The following KCNH3 variants were observed in gnomAD, a reference collection of about 807,000 sequenced individuals.
KCNH3 encodes the protein voltage-gated inwardly rectifying potassium channel KCNH3.
In KCNH3, 36 loss-of-function variants were observed where a neutral mutation model predicts 95.6. The observed-to-expected ratio is 0.38, with a 90% CI of 0.29 to 0.50. The LOEUF (loss-of-function observed/expected upper bound fraction) is 0.50, where lower values mean the gene tolerates loss of function less well. KCNH3 is among the 20% of genes least tolerant of loss of function. KCNH3 has a pLI of 0.95. For synonymous variants in KCNH3, 620 were observed against 646.3 expected, an observed-to-expected ratio of 0.96 and a Z score of 0.62; for missense variants, 1,030 against 1,484.1, an observed-to-expected ratio of 0.69 and a Z score of 5.03.
chr12:49,549,840 G>C (rs896174128), intron 9 of KCNH3, among the ~76,000 whole-genome samples, 200 bp downstream of exon 9: 4 of 152,356 alleles, frequency 2.6e-5, no homozygotes, highest in Admixed American at 2.0e-4. Flanking sequence ...AGGTCTGGGG[G>C]CTTGGTACTC....
At chr12:49,540,816 G>A in intron 1 of KCNH3, 83 bp from the exon 2 acceptor site, 1 of 1,134,676 alleles carries the variant, frequency 8.8e-7, no homozygotes, top group Non-Finnish European at 1.3e-6. Context: ...CCCACTCTTT[G>A]GTTGCAGGCA....
At position 49,555,804 on chromosome 12, in the gene KCNH3, C is replaced by T. The variant is rs1938420035; in HGVS notation, c.2321C>T (p.Ala774Val). The change falls in exon 12 of 15, where the codon GCA becomes GTA. Residue 774 changes from alanine to valine, a missense_variant. Physicochemically the swap from Ala to Val is moderately conservative, Grantham distance 64 (BLOSUM62 0). Around this residue, in one of 9 missense-constraint regions of KCNH3, gnomAD observed 464 missense variants for 493.2 expected, o/e 0.94. Transcript: ENST00000257981. ...AAGCTGCTATCCCCACGTCGAACAG[C>T]ACCCCGGCCTCGTCTAGGTGGCAGA... is the stretch of plus-strand genomic sequence containing the variant. ...AAKLLSPRRTAPRPRLGGRGR... is the reference protein window; with the variant it reads ...AAKLLSPRRTVPRPRLGGRGR... 6.2e-6 allele frequency: 10 copies of T among 1,613,488 alleles called. No homozygotes were observed. The highest frequency in any genetic ancestry group is 1.6e-4 in the Middle Eastern group (1 of 6,078).
chr12:49,548,143 C>A (rs1042994329), intron 7 of KCNH3, among the ~76,000 whole-genome samples: 2 of 148,704 alleles, frequency 1.3e-5, no homozygotes, highest in African/African-American at 4.9e-5. Flanking sequence ...TGCGCGCGCA[C>A]CTGTGTGAAT....
chr12:49,556,549 C>A, intron 13 of KCNH3, 73 bp downstream of exon 13: 1 of 1,061,468 alleles, frequency 9.4e-7, no homozygotes, highest in Non-Finnish European at 1.5e-6. Flanking sequence ...CACTGTTGAC[C>A]TCTGAGCCTT....
intron 7 of KCNH3, among the ~76,000 whole-genome samples, chr12:49,545,286 T>C (rs1411801111): frequency 6.6e-6 from 1 of 152,098 alleles, no homozygotes. Flanking sequence ...CCAGCTGTTT[T>C]TAACTCTCGA....
rs1312799342 is a variant in KCNH3, at chr12:49,548,927, A to T, written c.1222A>T (p.Thr408Ser). 8.2e-6 allele frequency: 13 copies of T among 1,593,110 alleles called. No individual in the cohort carries two copies. Among genetic ancestry groups the T allele is most frequent in the Non-Finnish European group, 1.1e-5 (13 of 1,170,740 alleles). The change falls in exon 8 of 15, where the codon ACT becomes TCT. Residue 408 changes from threonine (T) to serine (S), a missense_variant. By Grantham distance (58) the Thr-to-Ser change is moderately conservative. Around this residue, in one of 9 missense-constraint regions of KCNH3, gnomAD observed 153 missense variants for 288.5 expected, o/e 0.53. Coordinates refer to ENST00000257981, the MANE Select transcript of KCNH3 (RefSeq NM_012284.3). ...GCAGGAGCTGGCCCGCCGACTGGAG[A>T]CTCCCTACTACCTGGTGGGCCGGAG... ...WLQELARRLE[T>S]PYYLVGRRPA...
chr12:49,541,198 C>A, intron 2 of KCNH3, 66 bp downstream of exon 2: 1 of 1,157,618 alleles, frequency 8.6e-7, no homozygotes, highest in East Asian at 2.5e-5. Context: ...CCAGCCCCAT[C>A]CACTGTCCCT....
At chr12:49,547,678 T>G (rs2076495927) in intron 7 of KCNH3, among the ~76,000 whole-genome samples, 1 of 152,034 alleles carries the variant, frequency 6.6e-6, no homozygotes, top group Non-Finnish European at 1.5e-5. Context: ...ATGACAAGTG[T>G]GTGCGGGCCA....
intron 3 of KCNH3, 145 bp downstream of exon 3, chr12:49,541,909 C>G (rs1937883960): frequency 1.3e-6 from 1 of 776,086 alleles, no homozygotes; most frequent in South Asian, 1.9e-5. Context: ...CTGTGCTGCT[C>G]TCATCTCCAC....
rs1281256229 is a variant in KCNH3, at chr12:49,549,019, G to A, written c.1314G>A (p.Thr438=). 2 of 1,611,834 alleles carry A rather than the reference G, an allele frequency of 1.2e-6. No individual in the cohort carries two copies. The highest frequency in any genetic ancestry group is 1.7e-6 in the Non-Finnish European group (2 of 1,179,568). The change falls in exon 8 of 15, where the codon ACG becomes ACA. Residue 438 remains threonine, a synonymous_variant. Transcript: ENST00000257981. Reference sequence around the variant, plus strand: ...GCAGCAGCAGCGAGGCCAACGGGACGGGGCTGGAGCTGCTGGGCGGCCCGT... The same window carrying A: ...GCAGCAGCAGCGAGGCCAACGGGACAGGGCTGGAGCTGCTGGGCGGCCCGT... ...NCSSSSEANG[T]GLELLGGPSL... is the part of the protein sequence containing the mutation.
Position 49,556,418 on chromosome 12 carries a change from C to T in KCNH3, c.2517C>T (p.Phe839=). The T allele has an allele frequency of 6.2e-7, 1 of 1,614,090 alleles. No homozygotes were observed. The highest frequency in any genetic ancestry group is 2.2e-5 in the East Asian group (1 of 44,882). The change falls in exon 13 of 15, where the codon TTC becomes TTT. Residue 839 remains phenylalanine, a synonymous_variant. Coordinates refer to ENST00000257981, the MANE Select transcript of KCNH3 (RefSeq NM_012284.3). ...GCTGTGGCTCGGACCAGCCCAAGTT[C>T]TCTTTCCGCGTGGGCCAGTCTGGCC... is the stretch of plus-strand genomic sequence containing the variant. ...EDGCGSDQPK[F]SFRVGQSGPE... is the part of the protein sequence containing the mutation.
intron 6 of KCNH3, 36 bp from the exon 7 acceptor site, chr12:49,544,139 C>T (rs755252420): frequency 2.1e-6 from 3 of 1,395,692 alleles, no homozygotes; most frequent in South Asian, 1.2e-5. Context: ...GGCCCGCTGA[C>T]CTCCCTCCCT....
At chr12:49,549,706 T>C (rs1416937300) in intron 9 of KCNH3, 66 bp downstream of exon 9, 1 of 1,444,638 alleles carries the variant, frequency 6.9e-7, no homozygotes, top group African/African-American at 1.4e-5. Context: ...AGCCTAGAAT[T>C]ATCAGGAGTG....
intron 7 of KCNH3, among the ~76,000 whole-genome samples, chr12:49,545,340 C>T (rs1456020238): frequency 6.6e-6 from 1 of 152,042 alleles, no homozygotes; most frequent in African/African-American, 2.4e-5. Flanking sequence ...TCCTCCCCAG[C>T]CCTCCAGCCC....
At chr12:49,546,860 C>T (rs1938080075) in intron 7 of KCNH3, among the ~76,000 whole-genome samples, 1 of 152,216 alleles carries the variant, frequency 6.6e-6, no homozygotes, top group Non-Finnish European at 1.5e-5. Flanking sequence ...CAGAGGCCAA[C>T]TAAACAGTGA....
At chr12:49,541,918 A>G (rs1282404994) in intron 3 of KCNH3, among the ~76,000 whole-genome samples, 154 bp downstream of exon 3, 1 of 152,224 alleles carries the variant, frequency 6.6e-6, no homozygotes, top group Non-Finnish European at 1.5e-5. Flanking sequence ...TCTCATCTCC[A>G]CATTCCTCGG....
At chr12:49,547,155 A>C (rs1938090134) in intron 7 of KCNH3, among the ~76,000 whole-genome samples, 1 of 152,028 alleles carries the variant, frequency 6.6e-6, no homozygotes, top group African/African-American at 2.4e-5. Context: ...GACCTCCCAA[A>C]GTGCTGGGAT....
At chr12:49,540,867 C>A in intron 1 of KCNH3, 32 bp from the exon 2 acceptor site, 1 of 1,582,050 alleles carries the variant, frequency 6.3e-7, no homozygotes, top group Non-Finnish European at 8.7e-7. Flanking sequence ...CCCCTTCACC[C>A]CACGCCTCCT....
At chr12:49,545,285 T>A (rs77043930) in intron 7 of KCNH3, among the ~76,000 whole-genome samples, 3,111 of 152,180 alleles carry the variant, frequency 0.02, 105 homozygotes, top group African/African-American at 0.071. Flanking sequence ...TCCAGCTGTT[T>A]TTAACTCTCG....
Sources: allele counts gnomAD v4.1 joint callset (sites outside exome capture counted in the v4.1 genomes callset), GRCh38; gene constraint gnomAD v4.1.1; regional missense constraint gnomAD v4.1.1; transcripts MANE v1.5; gene names NCBI Gene and HGNC (gene_info 2026-07-23, HGNC 2026-07-21).